Variants in ZNF577 observed in about 807,000 individuals in gnomAD.
ZNF577 encodes the protein zinc finger protein 577.
ZNF577 carries 14 observed loss-of-function variants against 13.9 expected under a neutral mutation model. That is an observed-to-expected ratio of 1.00 (90% CI 0.66 to 1.57). The LOEUF is 1.57. ZNF577 is among the 40% of genes most tolerant of loss of function. ZNF577 has a pLI of 0.00. For missense variants in ZNF577, 555 were observed against 579.2 expected (o/e 0.96, Z 0.43); for synonymous variants, 203 against 202.9 (o/e 1.00, Z 0.00).
intron 5 of ZNF577, among the ~76,000 whole-genome samples, chr19:51,852,662 T>C (rs2084384721): frequency 6.6e-6 from 1 of 152,150 alleles, no homozygotes; most frequent in South Asian, 2.1e-4. Context: ...TTTCTCTGTG[T>C]AGAGATCTTG....
chr19:51,865,940 C>A (rs1316297210), downstream of ZNF577, among the ~76,000 whole-genome samples: 1 of 152,012 alleles, frequency 6.6e-6, no homozygotes, highest in Non-Finnish European at 1.5e-5. Flanking sequence ...CATGGTAAAA[C>A]CCCAGCTCTA....
chr19:51,859,877 TTATAAATA>T (rs1276591131), intron 5 of ZNF577, among the ~76,000 whole-genome samples: 4 of 152,136 alleles, frequency 2.6e-5, no homozygotes, highest in Admixed American at 2.6e-4. Context: ...ACAATGAAGT[TTATAAATA>T]TATAAAGTAC....
At chr19:51,850,522 C>T (rs1340673571) in intron 5 of ZNF577, among the ~76,000 whole-genome samples, 1 of 152,196 alleles carries the variant, frequency 6.6e-6, no homozygotes, top group East Asian at 1.9e-4. Flanking sequence ...CTGGACCCTA[C>T]CCTATGCAGT....
chr19:51,826,878 A>T (rs1438613214), intron 9 of ZNF577, among the ~76,000 whole-genome samples: 5 of 152,188 alleles, frequency 3.3e-5, no homozygotes. Context: ...TCACAGGACC[A>T]CTTGAGTCAT....
At chr19:51,875,483 G>C (rs2084745253) in intron 5 of ZNF577, among the ~76,000 whole-genome samples, 1 of 152,024 alleles carries the variant, frequency 6.6e-6, no homozygotes, top group Non-Finnish European at 1.5e-5. Flanking sequence ...ATGTAAAAAT[G>C]CAACGTGATC....
chr19:51,876,654 G>A (rs749395774), intron 5 of ZNF577, among the ~76,000 whole-genome samples: 5 of 152,086 alleles, frequency 3.3e-5, no homozygotes, highest in African/African-American at 9.7e-5. Context: ...CCAGCCAGGC[G>A]CAGTGGCTCA....
chr19:51,878,571 A>G, intron 3 of ZNF577, 56 bp from the exon 4 acceptor site: 1 of 1,603,186 alleles, frequency 6.2e-7, no homozygotes. Flanking sequence ...GATGCGGAGA[A>G]GAGGGACGGG....
chr19:51,861,190 C>T (rs1199683611), intron 5 of ZNF577: 1 of 277,588 alleles, frequency 3.6e-6, no homozygotes, highest in Non-Finnish European at 6.5e-6. Context: ...GCAATCTCGG[C>T]TTACTGCAAC....
At position 51,872,806 on chromosome 19, in the gene ZNF577, T is replaced by C; in HGVS notation, c.1184A>G (p.His395Arg). 6.2e-7 allele frequency: 1 copy of C among 1,614,246 alleles called. No individual in the cohort carries two copies. Among genetic ancestry groups the C allele is most frequent in the Non-Finnish European group, 8.5e-7 (1 of 1,180,038 alleles). ...GAGTTCGCTCATGTATAAGGAGGTA[T>C]GACTCCTTGAGGAAGGTTTCTCCAC... is the stretch of plus-strand genomic sequence containing the variant. ...LTVEKPSSRSHTSLYMSELIQ... is the reference protein window; with the variant it reads ...LTVEKPSSRSRTSLYMSELIQ... Residue 395 changes from histidine (H) to arginine (R), a missense_variant, in exon 6 of 6, where the codon CAT becomes CGT. Physicochemically the swap from His to Arg is conservative, Grantham distance 29 (BLOSUM62 0). Coordinates refer to ENST00000638348, the MANE Select transcript of ZNF577 (RefSeq NM_001370449.1).
chr19:51,880,150 A>T (rs2084838296), intron 3 of ZNF577, among the ~76,000 whole-genome samples, 173 bp downstream of exon 3: 1 of 152,244 alleles, frequency 6.6e-6, no homozygotes, highest in Admixed American at 6.5e-5. Flanking sequence ...AATTTTGTCC[A>T]ATCCAGTTTT....
exon 11 of ZNF577, chr19:51,805,041 G>T (rs2084049150): frequency 2.0e-5 from 3 of 152,158 alleles, no homozygotes; most frequent in South Asian, 2.1e-4. Flanking sequence ...AAACCTTCTG[G>T]CGGCAGGCAC....
In ZNF577 at chr19:51,873,565, T is replaced by C. The variant is rs1406850702; in HGVS notation, c.425A>G (p.Lys142Arg). 6.2e-7 allele frequency: 1 copy of C among 1,614,114 alleles called. No homozygotes were observed. The highest frequency in any genetic ancestry group is 1.3e-5 in the African/African-American group (1 of 74,934). ...TTTTTGTAGGTCATTGAGCTGTGATTTAGGGCTGCTGGGTTTAACACATCT... is the reference window on the plus strand; with the variant it reads ...TTTTTGTAGGTCATTGAGCTGTGATCTAGGGCTGCTGGGTTTAACACATCT... The part of the protein sequence containing the change: ...YHRCVKPSSP[K>R]SQLNDLQKIC... The change falls in exon 6 of 6, where the codon AAA becomes AGA. Residue 142 changes from lysine to arginine, a missense_variant. Physicochemically the swap from Lys to Arg is conservative, Grantham distance 26. Transcript: ENST00000638348.
chr19:51,826,090 CAT>C (rs1286426154), intron 9 of ZNF577: 1 of 157,050 alleles, frequency 6.4e-6, no homozygotes, highest in Non-Finnish European at 1.5e-5. Flanking sequence ...TTAACGTGAT[CAT>C]ATTATTTTTA....
intron 9 of ZNF577, among the ~76,000 whole-genome samples, chr19:51,837,538 T>C (rs1230212706): frequency 6.6e-6 from 1 of 152,238 alleles, no homozygotes; most frequent in Non-Finnish European, 1.5e-5. Flanking sequence ...AGACTGGCTC[T>C]TTCAAATTCA....
chr19:51,866,522 T>TTGA (rs1273205750), downstream of ZNF577, among the ~76,000 whole-genome samples: 3 of 152,330 alleles, frequency 2.0e-5, no homozygotes, highest in African/African-American at 7.2e-5. Flanking sequence ...GGCCCACACC[T>TTGA]TGACTTCAGT....
chr19:51,842,471 G>A (rs972050613), intron 8 of ZNF577, among the ~76,000 whole-genome samples: 3 of 152,022 alleles, frequency 2.0e-5, no homozygotes, highest in East Asian at 1.9e-4. Flanking sequence ...CTTACTTGCC[G>A]TTCTATTATC....
intron 6 of ZNF577, among the ~76,000 whole-genome samples, chr19:51,844,050 C>CTTT (rs34391853): frequency 7.9e-6 from 1 of 127,094 alleles, no homozygotes. Flanking sequence ...AGCCACTACA[C>CTTT]TTTTTTTTTT....
At chr19:51,817,831 TA>T (rs1332811703) in intron 9 of ZNF577, 1 of 152,266 alleles carries the variant, frequency 6.6e-6, no homozygotes, top group Non-Finnish European at 1.5e-5. Context: ...GGAACTCAGC[TA>T]GTGGTAAGTT....
At chr19:51,830,684 C>T (rs2084257032) in intron 9 of ZNF577, among the ~76,000 whole-genome samples, 3 of 152,184 alleles carry the variant, frequency 2.0e-5, no homozygotes, top group Admixed American at 6.5e-5. Flanking sequence ...GGTGACATCA[C>T]ACTTGTTTGG....
Sources: allele counts gnomAD v4.1 joint callset (sites outside exome capture counted in the v4.1 genomes callset), GRCh38; gene constraint gnomAD v4.1.1; transcripts MANE v1.5; gene names NCBI Gene and HGNC (gene_info 2026-07-23, HGNC 2026-07-21).